The following VPS50 variants were observed in gnomAD, a reference collection of about 807,000 sequenced individuals.
VPS50 encodes the protein VPS50 subunit of EARP/GARPII complex, also known as syndetin.
In VPS50, 70 loss-of-function variants were observed where a neutral mutation model predicts 139.7. That is an observed-to-expected ratio of 0.50 (90% CI 0.41 to 0.61). VPS50 has a LOEUF of 0.61. Among genes scored for constraint, VPS50 ranks in the 20% least tolerant of loss-of-function variants. The pLI is 0.00. For synonymous variants in VPS50, 365 were observed against 376.7 expected (o/e 0.97, Z 0.36); for missense variants, 921 against 1,133.7 (o/e 0.81, Z 2.69).
chr7:93,346,774 G>T (rs1054878085), intron 23 of VPS50, among the ~76,000 whole-genome samples: 1 of 136,866 alleles, frequency 7.3e-6, no homozygotes, highest in African/African-American at 3.0e-5. Context: ...CTAGCCATAT[G>T]TAGAAAGCTG....
chr7:93,310,157 G>A (rs1797226493), intron 19 of VPS50, among the ~76,000 whole-genome samples: 1 of 152,008 alleles, frequency 6.6e-6, no homozygotes, highest in African/African-American at 2.4e-5. Context: ...AAATGTACAA[G>A]TAAGATAGTG....
At chr7:93,261,224 GA>G (rs1795661018) in intron 9 of VPS50, among the ~76,000 whole-genome samples, 1 of 152,176 alleles carries the variant, frequency 6.6e-6, no homozygotes, top group South Asian at 2.1e-4. Context: ...CTTATTGGGT[GA>G]AAATAATTCA....
At chr7:93,341,993 A>G (rs1041385378) in intron 23 of VPS50, among the ~76,000 whole-genome samples, 3 of 152,212 alleles carry the variant, frequency 2.0e-5, no homozygotes, top group Admixed American at 6.5e-5. Flanking sequence ...CCGAATAGGA[A>G]CAGCTCCAGT....
At chr7:93,271,376 C>G (rs1353759145) in intron 10 of VPS50, 114 bp downstream of exon 10, 1 of 1,318,336 alleles carries the variant, frequency 7.6e-7, no homozygotes, top group African/African-American at 1.5e-5. Flanking sequence ...CTCTAGATCA[C>G]TGTATTTCTT....
intron 20 of VPS50, among the ~76,000 whole-genome samples, chr7:93,319,222 T>C (rs79743062): frequency 0.044 from 6,628 of 152,290 alleles, 487 homozygotes; most frequent in African/African-American, 0.15. Context: ...ATTAAACTTC[T>C]GCATTTACAA....
chr7:93,336,836 TAATAAA>T (rs1239787215), intron 22 of VPS50, among the ~76,000 whole-genome samples: 1 of 111,858 alleles, frequency 8.9e-6, no homozygotes, highest in African/African-American at 5.0e-5. Context: ...AAATCTTTGA[TAATAAA>T]AAGTATTTTA....
rs1225607544 is a variant in VPS50, at chr7:93,253,890, TTA to T, written c.257_258del (p.Leu86Ter). 6.2e-7 allele frequency: 1 copy of T among 1,603,556 alleles called. No homozygotes were observed. The highest frequency in any genetic ancestry group is 8.5e-7 in the Non-Finnish European group (1 of 1,172,186). ...KLPPVLNLQE[L>X]EAYRDKLKQQ... is the part of the protein sequence containing the mutation. ...TCCACCTGTTCTCAATTTGCAAGAATTAGAGGCGTATAGAGACAAATTGAAAC... is the reference window on the plus strand; with the variant it reads ...TCCACCTGTTCTCAATTTGCAAGAATGAGGCGTATAGAGACAAATTGAAAC... On this transcript the variant is annotated frameshift_variant, in exon 4 of 28. Coordinates refer to ENST00000305866, the MANE Select transcript of VPS50 (RefSeq NM_017667.4). LOFTEE classifies it high-confidence loss of function.
At chr7:93,332,728 G>A (rs947770029) in intron 21 of VPS50, among the ~76,000 whole-genome samples, 47 of 152,128 alleles carry the variant, frequency 3.1e-4, no homozygotes, top group African/African-American at 9.4e-4. Flanking sequence ...TTAATTGACC[G>A]AATCAGTAAA....
intron 2 of VPS50, among the ~76,000 whole-genome samples, chr7:93,244,171 T>C (rs1243079294): frequency 6.6e-6 from 1 of 151,814 alleles, no homozygotes; most frequent in Non-Finnish European, 1.5e-5. Context: ...AAGAAATAAT[T>C]TTTTTATACT....
At chr7:93,321,353 A>G (rs1314906086) in intron 20 of VPS50, among the ~76,000 whole-genome samples, 5 of 152,198 alleles carry the variant, frequency 3.3e-5, no homozygotes, top group Admixed American at 1.3e-4. Flanking sequence ...TTAATTCAGT[A>G]AGATCTGAGG....
At chr7:93,324,214 A>G (rs1356920178) in intron 21 of VPS50, among the ~76,000 whole-genome samples, 1 of 152,214 alleles carries the variant, frequency 6.6e-6, no homozygotes, top group Admixed American at 6.5e-5. Flanking sequence ...TTCTAGATAT[A>G]CAATCATGTC....
At chr7:93,286,694 G>C (rs1448632054) in intron 12 of VPS50, among the ~76,000 whole-genome samples, 1 of 151,942 alleles carries the variant, frequency 6.6e-6, no homozygotes, top group African/African-American at 2.4e-5. Flanking sequence ...GTAATTATTT[G>C]CTTATTCTCT....
chr7:93,356,161 A>C (rs1798701727), intron 27 of VPS50, 81 bp downstream of exon 27: 1 of 661,108 alleles, frequency 1.5e-6, no homozygotes, highest in East Asian at 2.9e-5. Flanking sequence ...TTTAATTCAA[A>C]ATCATGAGAG....
At chr7:93,325,989 C>T (rs943774956) in intron 21 of VPS50, among the ~76,000 whole-genome samples, 26 of 151,856 alleles carry the variant, frequency 1.7e-4, no homozygotes, top group Non-Finnish European at 3.7e-4. Context: ...TATAAAGACA[C>T]ATGCACACGT....
chr7:93,277,444 T>C (rs946569344), intron 12 of VPS50, among the ~76,000 whole-genome samples: 8 of 152,198 alleles, frequency 5.3e-5, no homozygotes, highest in Non-Finnish European at 5.9e-5. Flanking sequence ...AGTAGATATC[T>C]ATTCTGCTTT....
chr7:93,286,211 A>G (rs1256237192), intron 12 of VPS50, among the ~76,000 whole-genome samples: 1 of 152,118 alleles, frequency 6.6e-6, no homozygotes, highest in Non-Finnish European at 1.5e-5. Context: ...AAATTTCAAG[A>G]TATGTTATTT....
chr7:93,258,286 G>T lies in VPS50; in HGVS notation c.540+10G>T, dbSNP rs765280769. Reference sequence around the variant, plus strand: ...AACTATAAAAACATTGGTATATATGGGTCATTTAAAAAAATTAAAACTGAA... The same window carrying T: ...AACTATAAAAACATTGGTATATATGTGTCATTTAAAAAAATTAAAACTGAA... On this transcript the variant is annotated intron_variant, in intron 7 of 27. Coordinates refer to ENST00000305866, the MANE Select transcript of VPS50 (RefSeq NM_017667.4). The T allele has an allele frequency of 5.1e-6, 8 of 1,563,882 alleles. No individual in the cohort carries two copies. The South Asian group carries it at 8.9e-5, about 17-fold the overall frequency.
chr7:93,339,219 T>C (rs1798146382), intron 22 of VPS50, among the ~76,000 whole-genome samples: 1 of 151,868 alleles, frequency 6.6e-6, no homozygotes, highest in Admixed American at 6.6e-5. Flanking sequence ...CATGGATCCA[T>C]GATCCTGCTT....
chr7:93,292,225 A>G (rs964392622), intron 13 of VPS50, among the ~76,000 whole-genome samples: 1 of 152,230 alleles, frequency 6.6e-6, no homozygotes, highest in Non-Finnish European at 1.5e-5. Flanking sequence ...AAGTTACAGT[A>G]ATAAAGCTAG....
Sources: allele counts gnomAD v4.1 joint callset (sites outside exome capture counted in the v4.1 genomes callset), GRCh38; gene constraint gnomAD v4.1.1; transcripts MANE v1.5; gene names NCBI Gene and HGNC (gene_info 2026-07-23, HGNC 2026-07-21).